Variants in GAPVD1 observed in about 807,000 individuals in gnomAD.
GAPVD1 encodes the protein GTPase activating protein and VPS9 domains 1, also known as GTPase-activating protein and VPS9 domain-containing protein 1.
Under a neutral mutation model 155.5 loss-of-function variants are expected in GAPVD1, and 35 were observed. The ratio of observed to expected loss-of-function variants is 0.23; its 90% CI spans 0.17 to 0.30. The LOEUF (loss-of-function observed/expected upper bound fraction) is 0.30. GAPVD1 is among the 10% of genes least tolerant of loss of function. The pLI, the probability that GAPVD1 is intolerant of heterozygous loss-of-function variation, is 1.00. For synonymous variants in GAPVD1, 636 were observed against 619.7 expected, an observed-to-expected ratio of 1.03 and a Z score of -0.39; for missense variants, 1,429 against 1,775.7, an observed-to-expected ratio of 0.80 and a Z score of 3.51.
intron 25 of GAPVD1, among the ~76,000 whole-genome samples, chr9:125,357,691 T>C (rs1462803855): frequency 6.6e-6 from 1 of 152,028 alleles, no homozygotes; most frequent in Non-Finnish European, 1.5e-5. Context: ...ATATTAATCC[T>C]GGCTGGGCGC....
Position 125,337,063 on chromosome 9 carries a change from T to G in GAPVD1, c.2474T>G (p.Leu825Arg), listed in dbSNP as rs1418026122. The stretch of plus-strand genomic sequence containing the variant: ...CCTCCTTCTCAGTCAGAGTCTCTGC[T>G]GGCCATGTTTGATCCACTGTCTTCA... ...TSPPSQSESL[L>R]AMFDPLSSHE... is the part of the protein sequence containing the mutation. The change falls in exon 16 of 28, where the codon CTG (leucine) becomes CGG (arginine). Residue 825 changes from leucine (L) to arginine (R), a missense_variant. By Grantham distance (102) the Leu-to-Arg change is moderately radical. This residue lies in a region of GAPVD1 where 699 missense variants were observed against 826.0 expected (regional missense o/e 0.85). Transcript: ENST00000297933. The G allele has an allele frequency of 1.2e-6, 2 of 1,613,284 alleles. No homozygotes were observed. Among genetic ancestry groups the G allele is most frequent in the Non-Finnish European group, 1.7e-6 (2 of 1,179,294 alleles).
intron 1 of GAPVD1, among the ~76,000 whole-genome samples, chr9:125,265,333 A>G (rs1333358142): frequency 2.0e-5 from 3 of 150,710 alleles, no homozygotes; most frequent in Non-Finnish European, 3.0e-5. Context: ...GAACTCCTGG[A>G]CTTGAGTGAT....
At chr9:125,348,606 G>A (rs1273527051) in intron 20 of GAPVD1, among the ~76,000 whole-genome samples, 1 of 151,984 alleles carries the variant, frequency 6.6e-6, no homozygotes, top group Non-Finnish European at 1.5e-5. Context: ...TCCACCTCCC[G>A]AGTTTAAGCA....
intron 19 of GAPVD1, among the ~76,000 whole-genome samples, chr9:125,342,720 AGTTT>A (rs1257299110): frequency 1.3e-5 from 2 of 152,132 alleles, no homozygotes; most frequent in Non-Finnish European, 2.9e-5. Context: ...TTTCATCTAC[AGTTT>A]GTTCTTGATT....
chr9:125,343,030 T>C (rs980419819), intron 19 of GAPVD1, among the ~76,000 whole-genome samples: 1 of 152,144 alleles, frequency 6.6e-6, no homozygotes, highest in Non-Finnish European at 1.5e-5. Flanking sequence ...GTCTTGGGTT[T>C]GATAGCTGTG....
intron 9 of GAPVD1, among the ~76,000 whole-genome samples, chr9:125,313,763 G>A (rs1320325444): frequency 1.3e-5 from 2 of 152,112 alleles, no homozygotes; most frequent in Admixed American, 6.6e-5. Context: ...CACCACACCC[G>A]GCTAACTTTG....
chr9:125,355,616 A>T (rs1241607047), intron 24 of GAPVD1, 28 bp from the exon 25 acceptor site: 1 of 1,334,554 alleles, frequency 7.5e-7, no homozygotes, highest in Non-Finnish European at 1.1e-6. Flanking sequence ...TTATTAAACT[A>T]TTTAAAAATT....
At chr9:125,351,028 C>T (rs1394161431) in intron 23 of GAPVD1, among the ~76,000 whole-genome samples, 156 bp downstream of exon 23, 5 of 152,184 alleles carry the variant, frequency 3.3e-5, no homozygotes, top group African/African-American at 1.2e-4. Flanking sequence ...TCTCACGCTG[C>T]TGATAAAGAT....
At position 125,344,267 on chromosome 9, in the gene GAPVD1, C is replaced by T. The variant is rs146709745; in HGVS notation, c.3046+1968C>T. ...CTCCTAATCTTTTTCCATATTTGTA[C>T]GTGGCTTTTTCTTGACTGAATTAGA... On this transcript the variant is annotated intron_variant, in intron 19 of 27. Transcript: ENST00000297933. 7.2e-4 allele frequency among the ~76,000 whole-genome samples: 110 copies of T among 152,164 alleles called. 1 individual carries two copies. Among genetic ancestry groups the T allele is most frequent in the African/African-American group, 2.6e-3 (106 of 41,526 alleles).
At chr9:125,343,978 T>C (rs1376739536) in intron 19 of GAPVD1, among the ~76,000 whole-genome samples, 1 of 152,220 alleles carries the variant, frequency 6.6e-6, no homozygotes, top group Non-Finnish European at 1.5e-5. Context: ...CTTATCCTCT[T>C]TAGGCAATAT....
intron 1 of GAPVD1, among the ~76,000 whole-genome samples, chr9:125,262,388 C>T (rs1833070492): frequency 6.6e-6 from 1 of 152,138 alleles, no homozygotes; most frequent in African/African-American, 2.4e-5. Flanking sequence ...GCTGGACACA[C>T]GGGTCTGGGG....
At chr9:125,293,833 A>G (rs1839132282) in intron 2 of GAPVD1, among the ~76,000 whole-genome samples, 1 of 113,600 alleles carries the variant, frequency 8.8e-6, no homozygotes, top group South Asian at 2.6e-4. Context: ...ATAAAAAAAT[A>G]TATATATAAA....
chr9:125,361,278 G>A (rs190609810), intron 27 of GAPVD1, among the ~76,000 whole-genome samples: 10 of 152,242 alleles, frequency 6.6e-5, no homozygotes, highest in East Asian at 1.9e-4. Flanking sequence ...GGTGGCTCAC[G>A]CTTGTAATCC....
intron 25 of GAPVD1, among the ~76,000 whole-genome samples, chr9:125,359,006 G>T (rs1179079066): frequency 6.6e-6 from 1 of 152,212 alleles, no homozygotes; most frequent in African/African-American, 2.4e-5. Context: ...CAAAGTGAAA[G>T]GTTGGGTGAA....
intron 12 of GAPVD1, among the ~76,000 whole-genome samples, chr9:125,329,747 A>C (rs139972420): frequency 7.3e-4 from 111 of 151,848 alleles, no homozygotes; most frequent in African/African-American, 2.7e-3. Flanking sequence ...ACCTCGGCTC[A>C]CTGCAGTCTC....
intron 1 of GAPVD1, among the ~76,000 whole-genome samples, chr9:125,264,633 AG>A (rs1833534213): frequency 6.6e-6 from 1 of 152,168 alleles, no homozygotes; most frequent in Admixed American, 6.6e-5. Flanking sequence ...CCCACTTCCA[AG>A]GGATTGCAGC....
rs116233806 is a variant in GAPVD1 at position 125,341,010 on chromosome 9, G to C, written c.2878-167G>C. On this transcript the variant is annotated intron_variant, in intron 17 of 27. Coordinates refer to ENST00000297933, the MANE Select transcript of GAPVD1 (RefSeq NM_001282680.3). ...GATACGGGGAGGATCGCTTGAGCCA[G>C]GGAAGTCGAGGCTGCAGTGAGCTGT... Among the ~76,000 whole-genome samples, 747 of 152,304 alleles carry C rather than the reference G, an allele frequency of 4.9e-3. 8 individuals are homozygous for C. The highest frequency in any genetic ancestry group is 0.017 in the African/African-American group (701 of 41,562).
intron 25 of GAPVD1, 114 bp downstream of exon 25, chr9:125,355,971 A>G: frequency 1.5e-6 from 1 of 653,476 alleles, no homozygotes; most frequent in African/African-American, 1.8e-5. Context: ...AAGGAAATTC[A>G]TTGGTTACCA....
At chr9:125,272,933 C>T (rs1479511708) in intron 2 of GAPVD1, among the ~76,000 whole-genome samples, 2 of 152,112 alleles carry the variant, frequency 1.3e-5, no homozygotes, top group Non-Finnish European at 2.9e-5. Flanking sequence ...TCTTTCTGCT[C>T]CTTCATTCGG....
Sources: allele counts gnomAD v4.1 joint callset (sites outside exome capture counted in the v4.1 genomes callset), GRCh38; gene constraint gnomAD v4.1.1; regional missense constraint gnomAD v4.1.1; transcripts MANE v1.5; gene names NCBI Gene and HGNC (gene_info 2026-07-23, HGNC 2026-07-21).